The following HOOK2 variants were observed in gnomAD, a reference collection of about 807,000 sequenced individuals.
HOOK2 encodes protein Hook homolog 2.
In HOOK2, 108 loss-of-function variants were observed where a neutral mutation model predicts 111.9. The ratio of observed to expected loss-of-function variants is 0.96; its 90% CI spans 0.83 to 1.13. HOOK2 has a LOEUF of 1.13. HOOK2 is among the 50% of genes most tolerant of loss of function. The pLI, the probability that HOOK2 is intolerant of heterozygous loss-of-function variation, is 0.00. For synonymous variants in HOOK2, 405 were observed against 394.3 expected (o/e 1.03, Z -0.32); for missense variants, 978 against 951.3 (o/e 1.03, Z -0.37).
intron 3 of HOOK2, among the ~76,000 whole-genome samples, chr19:12,787,982 G>A (rs1192199584): frequency 1.3e-5 from 2 of 152,156 alleles, no homozygotes; most frequent in Non-Finnish European, 2.9e-5. Context: ...TTGAACCCAG[G>A]AGGCGGAGGT....
At chr19:12,783,714 T>A (rs1322472677) in intron 3 of HOOK2, among the ~76,000 whole-genome samples, 1 of 152,092 alleles carries the variant, frequency 6.6e-6, no homozygotes, top group Admixed American at 6.5e-5. Flanking sequence ...TGTTGGGTTG[T>A]TGTGGGGATT....
Position 12,774,870 on chromosome 19 carries a change from A to C in HOOK2, c.73T>G (p.Cys25Gly). The C allele has an allele frequency of 1.2e-6, 2 of 1,614,126 alleles. No homozygotes were observed. Among genetic ancestry groups the C allele is most frequent in the South Asian group, 2.2e-5 (2 of 91,062 alleles). Residue 25 changes from cysteine (C) to glycine (G), a missense_variant, in exon 2 of 23, where the codon TGT becomes GGT. By Grantham distance (159) the Cys-to-Gly change is radical. This residue lies in a region of HOOK2 where 301 missense variants were observed against 286.1 expected (regional missense o/e 1.05). Coordinates refer to ENST00000397668, the MANE Select transcript of HOOK2 (RefSeq NM_013312.3). ...CTGCTCAGGTCCTGAGGGCTGGCAC[A>C]GGGAGACGGAACGTGGAACGTCTGT... ...WLQTFHVPSP[C>G]ASPQDLSSGL...
chr19:12,789,741 G>T (rs1968687926), intron 3 of HOOK2, among the ~76,000 whole-genome samples: 1 of 151,436 alleles, frequency 6.6e-6, no homozygotes, highest in South Asian at 2.1e-4. Flanking sequence ...GGTTGGGCCA[G>T]GCCGGGCCTG....
At chr19:12,763,898 C>T (rs1968072043) in intron 20 of HOOK2, 120 bp from the exon 21 acceptor site, 1 of 703,482 alleles carries the variant, frequency 1.4e-6, no homozygotes, top group East Asian at 2.7e-5. Flanking sequence ...CCCTATGTTG[C>T]CCAGGATGGT....
rs372072460 is a variant in HOOK2 at position 12,792,043 on chromosome 19, T to C, written n.42-17818A>G. On this transcript the variant is annotated intron_variant and non_coding_transcript_variant, in intron 3 of 3. Transcript: ENST00000589765. Reference sequence around the variant, plus strand: ...GCCTCTTCGGAGCTGGAACGCCTGATTGTCCCCAACAGCAACGGCGTGATC... The same window carrying C: ...GCCTCTTCGGAGCTGGAACGCCTGACTGTCCCCAACAGCAACGGCGTGATC... The C allele has an allele frequency of 1.2e-5, 20 of 1,610,864 alleles. No individual in the cohort carries two copies. The East Asian group carries it at 2.0e-4, about 16-fold the overall frequency.
chr19:12,766,410 G>A, intron 14 of HOOK2, 170 bp from the exon 15 acceptor site: 1 of 780,614 alleles, frequency 1.3e-6, no homozygotes, highest in Non-Finnish European at 1.9e-6. Flanking sequence ...CCGGCCCAGG[G>A]TTAAAGTGGA....
At position 12,772,623 on chromosome 19, in the gene HOOK2, G is replaced by C; in HGVS notation, c.446C>G (p.Ala149Gly). ...AGTGCCCCCACCCACCTCTTGGATG[G>C]CTTCCATCACCACATGCTGAACCGA... ...EESVQHVVME[A>G]IQELMTKDTP... The change falls in exon 6 of 23, where the codon GCC becomes GGC. Residue 149 changes from alanine (A) to glycine (G), a missense_variant. Ala to Gly is a moderately conservative substitution (Grantham distance 60). Coordinates refer to ENST00000397668, the MANE Select transcript of HOOK2 (RefSeq NM_013312.3). The C allele has an allele frequency of 3.1e-6, 5 of 1,614,078 alleles. 1 individual carries two copies. The highest frequency in any genetic ancestry group is 2.5e-6 in the Non-Finnish European group (3 of 1,179,974).
At position 12,791,842 on chromosome 19, in the gene HOOK2, C is replaced by T; in HGVS notation, n.42-17617G>A. On this transcript the variant is annotated intron_variant and non_coding_transcript_variant, in intron 3 of 3. Coordinates refer to the HOOK2 transcript ENST00000589765. The surrounding 1 kb of genome is among the most constrained non-coding windows in gnomAD (Gnocchi z 7.0). ...ACAGCTACGGGATACGGCCGGGCCC[C>T]TGGTGGCCTCTCTCTACACGACTAC... The T allele has an allele frequency of 6.2e-7, 1 of 1,613,616 alleles. No homozygotes were observed. Among genetic ancestry groups the T allele is most frequent in the East Asian group, 2.2e-5 (1 of 44,852 alleles).
chr19:12,767,872 T>C lies in HOOK2; in HGVS notation c.1247A>G (p.Glu416Gly). The change falls in exon 13 of 23, where the codon GAG (glutamate) becomes GGG (glycine). Residue 416 changes from glutamate (E) to glycine (G), a missense_variant. Coordinates refer to ENST00000397668, the MANE Select transcript of HOOK2 (RefSeq NM_013312.3). ...RLLAERDSLR[E>G]ANEELRCAQL... ...GGCGCAGCGCAGCTCCTCATTGGCC[T>C]CCCGCAAGGAGTCCCGCTCCGCCAA... The C allele has an allele frequency of 6.2e-7, 1 of 1,608,440 alleles. No individual in the cohort carries two copies. Among genetic ancestry groups the C allele is most frequent in the African/African-American group, 1.3e-5 (1 of 75,030 alleles).
chr19:12,764,120 T>C (rs111424343), intron 20 of HOOK2, among the ~76,000 whole-genome samples: 7,396 of 152,164 alleles, frequency 0.049, 643 homozygotes, highest in African/African-American at 0.17. Flanking sequence ...GTTCAAGTGA[T>C]TCTCCTGCCT....
rs1171112952 is a variant in HOOK2 at position 12,791,560 on chromosome 19, G to T, written n.42-17335C>A. On this transcript the variant is annotated intron_variant and non_coding_transcript_variant, in intron 3 of 3. Transcript: ENST00000589765. The surrounding 1 kb of genome is among the most constrained non-coding windows in gnomAD (Gnocchi z 7.0). ...AGCTGGGGGAAACGACGCCAGGAAAGCTATCGCGCCAGAGAGGGCGACGGG... is the reference window on the plus strand; with the variant it reads ...AGCTGGGGGAAACGACGCCAGGAAATCTATCGCGCCAGAGAGGGCGACGGG... 2.0e-6 allele frequency: 1 copy of T among 500,446 alleles called. No individual in the cohort carries two copies. The highest frequency in any genetic ancestry group is 3.5e-6 in the Non-Finnish European group (1 of 285,766). The allele number at this position is 500,446 out of a possible 1,614,324, so 31.0% of individuals were successfully genotyped here. A position where few individuals can be genotyped will look rare whatever the true frequency, so the allele number is the denominator to read the frequency against.
chr19:12,788,744 G>T (rs1406284142), intron 3 of HOOK2, among the ~76,000 whole-genome samples: 1 of 152,208 alleles, frequency 6.6e-6, no homozygotes, highest in African/African-American at 2.4e-5. Context: ...TGCCCGCTGC[G>T]CCCCCGCGGG....
chr19:12,782,232 C>T (rs1968609585), upstream of HOOK2, among the ~76,000 whole-genome samples: 1 of 152,216 alleles, frequency 6.6e-6, no homozygotes, highest in Non-Finnish European at 1.5e-5. Context: ...TGTTTGCGTC[C>T]CTATCACAAA....
At position 12,774,746 on chromosome 19, in the gene HOOK2, G is replaced by A; in HGVS notation, c.132-5C>T. On this transcript the variant is annotated splice_region_variant and splice_polypyrimidine_tract_variant and intron_variant, in intron 2 of 22. Coordinates refer to ENST00000397668, the MANE Select transcript of HOOK2 (RefSeq NM_013312.3). ...TCGTTGAACCAGGAGGGGTCTCTGG[G>A]GGCGAGAAGGTGGGATGAGCAGACT... 6.2e-7 allele frequency: 1 copy of A among 1,613,940 alleles called. No individual in the cohort carries two copies. Among genetic ancestry groups the A allele is most frequent in the South Asian group, 1.1e-5 (1 of 91,082 alleles).
chr19:12,780,342 T>A (rs1425497351), upstream of HOOK2, among the ~76,000 whole-genome samples: 1 of 152,048 alleles, frequency 6.6e-6, no homozygotes, highest in East Asian at 1.9e-4. Context: ...TGGGTCTATA[T>A]CTGTGTCATT....
At chr19:12,767,358 C>T in intron 14 of HOOK2, 37 bp downstream of exon 14, 1 of 1,587,896 alleles carries the variant, frequency 6.3e-7, no homozygotes, top group Non-Finnish European at 8.6e-7. Context: ...CTTGGCAAGC[C>T]TGGGTGGGGC....
rs1237831456 is a variant in HOOK2, at chr19:12,771,784, A to G, written c.520-307T>C. 7.9e-6 allele frequency: 3 copies of G among 377,854 alleles called. No homozygotes were observed. In the East Asian group the frequency reaches 1.7e-4, roughly 21 times the overall value. The allele number at this position is 377,854 out of a possible 1,614,324, so 23.4% of individuals were successfully genotyped here. The stretch of plus-strand genomic sequence containing the variant: ...GTAGTCCTGGCTACTCGGGAGGCTG[A>G]GGCAGGAGAATCGCTTGAACCCGGG... On this transcript the variant is annotated intron_variant, in intron 7 of 22. Coordinates refer to ENST00000397668, the MANE Select transcript of HOOK2 (RefSeq NM_013312.3).
chr19:12,766,041 C>A, intron 15 of HOOK2, 27 bp from the exon 16 acceptor site: 1 of 1,610,490 alleles, frequency 6.2e-7, no homozygotes, highest in Non-Finnish European at 8.5e-7. Flanking sequence ...CCGCTTAGTG[C>A]CTGTGCCCAC....
At chr19:12,770,707 G>C (rs1421299329) in intron 10 of HOOK2, among the ~76,000 whole-genome samples, 31 of 144,102 alleles carry the variant, frequency 2.2e-4, no homozygotes, top group Non-Finnish European at 4.6e-5. Context: ...TGTGGGATAA[G>C]GGGGGGGCAG....
Sources: allele counts gnomAD v4.1 joint callset (sites outside exome capture counted in the v4.1 genomes callset), GRCh38; gene constraint gnomAD v4.1.1; regional missense constraint gnomAD v4.1.1; non-coding constraint Gnocchi (gnomAD v3.1); transcripts MANE v1.5; gene names NCBI Gene and HGNC (gene_info 2026-07-23, HGNC 2026-07-21).